DIP2C: variants seen among roughly 807,000 people sequenced by gnomAD.
DIP2C encodes the protein DIP2 acetate--CoA ligase C (putative), also known as disco-interacting protein 2 homolog C.
A neutral mutation model predicts 192.4 loss-of-function variants in DIP2C; 33 were observed. The ratio of observed to expected loss-of-function variants is 0.17; its 90% confidence interval spans 0.13 to 0.23. The LOEUF (loss-of-function observed/expected upper bound fraction) is 0.23. Ranked by LOEUF, DIP2C falls within the 10% of genes least tolerant of loss-of-function variation. DIP2C has a pLI of 1.00. For missense variants in DIP2C, 1,537 were observed against 2,110.1 expected (o/e 0.73, Z 5.32); for synonymous variants, 979 against 864.1 (o/e 1.13, Z -2.33).
intron 1 of DIP2C, among the ~76,000 whole-genome samples, chr10:618,258 C>G (rs1853604227): frequency 6.6e-6 from 1 of 152,210 alleles, no homozygotes; most frequent in East Asian, 1.9e-4. Context: ...ACAAGAATCT[C>G]TAAGAAACAG....
chr10:442,096 G>A (rs1441013591), intron 3 of DIP2C, among the ~76,000 whole-genome samples: 2 of 152,178 alleles, frequency 1.3e-5, no homozygotes, highest in Admixed American at 1.3e-4. Context: ...GCCCTAAACT[G>A]TGAGTGAGAA....
chr10:549,668 CG>C (rs1175018430), intron 1 of DIP2C, among the ~76,000 whole-genome samples: 6 of 152,162 alleles, frequency 3.9e-5, no homozygotes, highest in Non-Finnish European at 7.3e-5. Context: ...GGGCCCCCCC[CG>C]ACCAGGTGCT....
intron 29 of DIP2C, among the ~76,000 whole-genome samples, chr10:332,871 C>T (rs149833285): frequency 9.6e-4 from 146 of 152,272 alleles, no homozygotes; most frequent in African/African-American, 3.3e-3. Context: ...CCAGGGTCTC[C>T]CTACACACTT....
At chr10:563,075 C>G (rs570336164) in intron 1 of DIP2C, among the ~76,000 whole-genome samples, 3 of 152,314 alleles carry the variant, frequency 2.0e-5, no homozygotes, top group Admixed American at 2.0e-4. Flanking sequence ...AGTATTGTGT[C>G]TTTGTTTAGA....
intron 5 of DIP2C, among the ~76,000 whole-genome samples, chr10:419,856 C>T (rs932192161): frequency 2.0e-5 from 3 of 152,158 alleles, no homozygotes; most frequent in Non-Finnish European, 4.4e-5. Context: ...GGCCAATGAG[C>T]GCGTGGAGCT....
At chr10:348,568 CAG>C (rs1271648036) in intron 26 of DIP2C, 71 bp downstream of exon 26, 2 of 1,564,538 alleles carry the variant, frequency 1.3e-6, no homozygotes, top group Admixed American at 1.9e-5. Flanking sequence ...CAAGAGATGT[CAG>C]AGTCTGCGCG....
At chr10:555,272 C>T (rs1342392834) in intron 1 of DIP2C, among the ~76,000 whole-genome samples, 2 of 151,818 alleles carry the variant, frequency 1.3e-5, no homozygotes, top group Non-Finnish European at 2.9e-5. Flanking sequence ...GGGCTCTTTG[C>T]TGTTTTATTG....
chr10:393,100 C>T (rs1338823662), intron 10 of DIP2C, among the ~76,000 whole-genome samples: 1 of 152,056 alleles, frequency 6.6e-6, no homozygotes, highest in African/African-American at 2.4e-5. Context: ...TGGCGTCGGC[C>T]TCAGTCTGGC....
At chr10:626,234 T>G (rs1376153492) in intron 1 of DIP2C, among the ~76,000 whole-genome samples, 1 of 152,152 alleles carries the variant, frequency 6.6e-6, no homozygotes, top group Non-Finnish European at 1.5e-5. Flanking sequence ...GATGGGAAAC[T>G]GGGGCGGAAA....
At chr10:629,337 C>A (rs768743548) in intron 1 of DIP2C, among the ~76,000 whole-genome samples, 1 of 152,136 alleles carries the variant, frequency 6.6e-6, no homozygotes, top group South Asian at 2.1e-4. Flanking sequence ...CCAAAGCGGG[C>A]GATCTTGACC....
intron 1 of DIP2C, among the ~76,000 whole-genome samples, chr10:578,516 AAC>A (rs1008840349): frequency 2.0e-5 from 3 of 152,344 alleles, no homozygotes; most frequent in African/African-American, 4.8e-5. Flanking sequence ...TGATGTCAGG[AAC>A]ACACACATCA....
chr10:362,366 C>G, intron 22 of DIP2C, 124 bp downstream of exon 22: 1 of 1,138,610 alleles, frequency 8.8e-7, no homozygotes. Context: ...CTTGGGGTAA[C>G]CACTTCTTTC....
intron 1 of DIP2C, among the ~76,000 whole-genome samples, chr10:626,442 G>A (rs113435321): frequency 7.4e-5 from 11 of 147,858 alleles, no homozygotes; most frequent in South Asian, 2.1e-4. Flanking sequence ...GTTACCCTCC[G>A]TCCCCCCGTC....
chr10:591,788 T>TC (rs1369988008), intron 1 of DIP2C, among the ~76,000 whole-genome samples: 2 of 151,954 alleles, frequency 1.3e-5, no homozygotes, highest in East Asian at 1.9e-4. Flanking sequence ...CCCCACACCC[T>TC]CCTCTCCTTC....
chr10:534,329 G>A (rs1006812043), intron 1 of DIP2C, among the ~76,000 whole-genome samples: 1 of 152,236 alleles, frequency 6.6e-6, no homozygotes, highest in Non-Finnish European at 1.5e-5. Context: ...TGGGGACAGA[G>A]GCAGGAGCCA....
chr10:576,864 C>G (rs542833728), intron 1 of DIP2C, among the ~76,000 whole-genome samples: 50 of 152,104 alleles, frequency 3.3e-4, no homozygotes, highest in African/African-American at 1.2e-3. Context: ...GAACCAAGAT[C>G]GTACTGTTGT....
intron 3 of DIP2C, among the ~76,000 whole-genome samples, chr10:465,155 C>T (rs1186291215): frequency 6.3e-5 from 8 of 127,178 alleles, no homozygotes; most frequent in Non-Finnish European, 9.8e-5. Context: ...ACTGGCAAAC[C>T]GAATCCAGCA....
intron 1 of DIP2C, among the ~76,000 whole-genome samples, chr10:682,543 G>A (rs1831171332): frequency 6.6e-6 from 1 of 151,694 alleles, no homozygotes; most frequent in Non-Finnish European, 1.5e-5. Flanking sequence ...TCAACCCAAA[G>A]ATTAAACATT....
Position 327,064 on chromosome 10 carries a change from T to C in DIP2C, c.3866A>G (p.His1289Arg). The C allele has an allele frequency of 6.2e-7, 1 of 1,614,004 alleles. No individual in the cohort carries two copies. The highest frequency in any genetic ancestry group is 8.5e-7 in the Non-Finnish European group (1 of 1,180,008). The change falls in exon 31 of 37, where the codon CAC (histidine) becomes CGC (arginine). Residue 1289 changes from histidine to arginine, a missense_variant. His to Arg is a conservative substitution (Grantham distance 29). Coordinates refer to ENST00000280886, the MANE Select transcript of DIP2C (RefSeq NM_014974.3). ...GAACGAGGTGCTGACGGCCCGCGGG[T>C]GAAGGCCCAGGTCCTTAAACAGCTT... ...FSKLFKDLGL[H>R]PRAVSTSFGC...
Sources: allele counts gnomAD v4.1 joint callset (sites outside exome capture counted in the v4.1 genomes callset), GRCh38; gene constraint gnomAD v4.1.1; transcripts MANE v1.5; gene names NCBI Gene and HGNC (gene_info 2026-07-23, HGNC 2026-07-21).